The following CEMIP2 variants were observed in gnomAD, a reference collection of about 807,000 sequenced individuals.
CEMIP2 encodes cell migration inducing hyaluronidase 2, also known as cell surface hyaluronidase CEMIP2.
In CEMIP2, 79 loss-of-function variants were observed where a neutral mutation model predicts 146.9. That is an observed-to-expected ratio of 0.54 (90% CI 0.45 to 0.65). The LOEUF (loss-of-function observed/expected upper bound fraction) is 0.65. CEMIP2 is among the 30% of genes least tolerant of loss of function. The pLI is 0.00. For missense variants in CEMIP2, 1,596 were observed against 1,696.2 expected (o/e 0.94, Z 1.04); for synonymous variants, 601 against 606.3 (o/e 0.99, Z 0.13).
intron 20 of CEMIP2, among the ~76,000 whole-genome samples, chr9:71,696,384 CTGGT>C (rs936371222): frequency 2.6e-5 from 4 of 151,690 alleles, no homozygotes; most frequent in African/African-American, 4.8e-5. Flanking sequence ...GTTGGTTTCT[CTGGT>C]TGGTTGATTT....
Position 71,716,511 on chromosome 9 carries a change from A to G in CEMIP2, c.2435+6T>C. 2 of 1,588,296 alleles carry G rather than the reference A, an allele frequency of 1.3e-6. No individual in the cohort carries two copies. The highest frequency in any genetic ancestry group is 1.7e-6 in the Non-Finnish European group (2 of 1,168,620). On this transcript the variant is annotated splice_donor_region_variant and intron_variant, in intron 14 of 23. Coordinates refer to ENST00000377044, the MANE Select transcript of CEMIP2 (RefSeq NM_013390.3). ...AATAAGTAAGTATTTTTAAGCAATTACAAACCTGGCAAAGGTCAGTCCTAT... is the reference window on the plus strand; with the variant it reads ...AATAAGTAAGTATTTTTAAGCAATTGCAAACCTGGCAAAGGTCAGTCCTAT...
chr9:71,714,785 C>G (rs1310308951), intron 15 of CEMIP2, 149 bp downstream of exon 15: 1 of 703,522 alleles, frequency 1.4e-6, no homozygotes, highest in Non-Finnish European at 2.2e-6. Flanking sequence ...GCAGTAGCAG[C>G]TGTAGCAGTA....
At chr9:71,717,623 G>C (rs1823102488) in intron 13 of CEMIP2, among the ~76,000 whole-genome samples, 1 of 152,148 alleles carries the variant, frequency 6.6e-6, no homozygotes, top group South Asian at 2.1e-4. Flanking sequence ...TCAAGAGGAA[G>C]GGAAAAGATC....
intron 16 of CEMIP2, 25 bp downstream of exon 16, chr9:71,712,058 C>T (rs200003911): frequency 2.6e-5 from 41 of 1,606,674 alleles, no homozygotes; most frequent in Admixed American, 5.1e-5. Flanking sequence ...ATAGTCACTA[C>T]GTAAGAACTA....
intron 5 of CEMIP2, among the ~76,000 whole-genome samples, chr9:71,737,724 G>C (rs1269407932): frequency 6.6e-6 from 1 of 152,064 alleles, no homozygotes. Flanking sequence ...TTCTGTTTTT[G>C]TACTCTTGAT....
intron 21 of CEMIP2, among the ~76,000 whole-genome samples, chr9:71,693,170 T>C (rs2131859807): frequency 6.6e-6 from 1 of 152,324 alleles, no homozygotes; most frequent in African/African-American, 2.4e-5. Flanking sequence ...TCCACATATA[T>C]GTGGATTTGT....
chr9:71,766,069 T>A (rs911498871), intron 1 of CEMIP2, among the ~76,000 whole-genome samples: 1 of 149,808 alleles, frequency 6.7e-6, no homozygotes, highest in East Asian at 1.9e-4. Flanking sequence ...TCTTCTTTTT[T>A]TTCTTTTTTT....
intron 2 of CEMIP2, among the ~76,000 whole-genome samples, chr9:71,747,592 C>T (rs1030604568): frequency 2.0e-5 from 3 of 152,020 alleles, no homozygotes; most frequent in African/African-American, 7.2e-5. Flanking sequence ...TAAGAATAAG[C>T]AAGATATGCT....
At chr9:71,697,848 A>T (rs376475213) in intron 20 of CEMIP2, 137 bp downstream of exon 20, 9 of 854,378 alleles carry the variant, frequency 1.1e-5, no homozygotes, top group Non-Finnish European at 1.6e-5. Context: ...ACATTTTAGC[A>T]TGGGCCAAAA....
chr9:71,730,946 AC>A, intron 7 of CEMIP2, 32 bp from the exon 8 acceptor site: 1 of 1,586,818 alleles, frequency 6.3e-7, no homozygotes, highest in African/African-American at 1.3e-5. Flanking sequence ...TCAAACTCAT[AC>A]TTTTCAGAAT....
chr9:71,753,238 C>G (rs1299374838), intron 1 of CEMIP2, among the ~76,000 whole-genome samples: 1 of 150,848 alleles, frequency 6.6e-6, no homozygotes, highest in South Asian at 2.1e-4. Flanking sequence ...CATCTGATAC[C>G]TTATTGTTTC....
chr9:71,710,119 C>T (rs963628557), intron 16 of CEMIP2, among the ~76,000 whole-genome samples: 2 of 152,146 alleles, frequency 1.3e-5, no homozygotes, highest in African/African-American at 4.8e-5. Context: ...ATTACTATCT[C>T]GCTCCTCAAT....
chr9:71,758,045 G>A (rs1183524148), intron 1 of CEMIP2, among the ~76,000 whole-genome samples: 1 of 152,124 alleles, frequency 6.6e-6, no homozygotes, highest in Non-Finnish European at 1.5e-5. Flanking sequence ...TAGTTTAGCA[G>A]AATATAATGT....
intron 17 of CEMIP2, among the ~76,000 whole-genome samples, chr9:71,707,342 T>C (rs1822774966): frequency 6.6e-6 from 1 of 151,142 alleles, no homozygotes; most frequent in South Asian, 2.1e-4. Context: ...TTTTTTTTTT[T>C]AGTATTTTTT....
intron 2 of CEMIP2, 75 bp downstream of exon 2, chr9:71,749,968 T>C (rs1402032890): frequency 3.4e-5 from 46 of 1,365,082 alleles, no homozygotes; most frequent in Non-Finnish European, 3.9e-5. Context: ...AAGATAAATT[T>C]TTTTTTAAGT....
chr9:71,740,801 A>AC lies in CEMIP2; in HGVS notation c.1035-570dup, dbSNP rs374169561. 4.1e-3 allele frequency among the ~76,000 whole-genome samples: 621 copies of AC among 152,302 alleles called. 6 individuals carry two copies. Among genetic ancestry groups the AC allele is most frequent in the African/African-American group, 0.014 (577 of 41,568 alleles). On this transcript the variant is annotated intron_variant, in intron 4 of 23. Transcript: ENST00000377044. ...ACTATGTTTTTAAAGTTCCCAGGTG[A>AC]CTGGAACATGCAGTTAGGCTTAAAA...
intron 22 of CEMIP2, chr9:71,687,248 G>A (rs1029169271): frequency 6.6e-6 from 1 of 152,172 alleles, no homozygotes; most frequent in African/African-American, 2.4e-5. Flanking sequence ...TAATGGAAAT[G>A]TGTCAAATTT....
intron 6 of CEMIP2, among the ~76,000 whole-genome samples, chr9:71,734,594 A>C (rs72737982): frequency 0.071 from 10,749 of 152,252 alleles, 540 homozygotes; most frequent in South Asian, 0.19. Context: ...AATATGTATC[A>C]TTAGCAGCAA....
intron 1 of CEMIP2, among the ~76,000 whole-genome samples, chr9:71,756,389 GA>G (rs912360982): frequency 1.3e-4 from 20 of 150,652 alleles, no homozygotes; most frequent in African/African-American, 4.9e-4. Context: ...ACAAATAGTT[GA>G]AAAAATTAAG....
Sources: allele counts gnomAD v4.1 joint callset (sites outside exome capture counted in the v4.1 genomes callset), GRCh38; gene constraint gnomAD v4.1.1; transcripts MANE v1.5; gene names NCBI Gene and HGNC (gene_info 2026-07-23, HGNC 2026-07-21).